INTS6: variants seen among roughly 807,000 people sequenced by gnomAD.
INTS6 encodes the protein DEAD box protein.
Under a neutral mutation model 104.9 loss-of-function variants are expected in INTS6, and 16 were observed. The observed-to-expected ratio is 0.15, with a 90% CI of 0.10 to 0.23. INTS6 has a LOEUF of 0.23. Ranked by LOEUF, INTS6 falls within the 10% of genes least tolerant of loss-of-function variation. The pLI, the probability that INTS6 is intolerant of heterozygous loss-of-function variation, is 1.00. For synonymous variants in INTS6, 324 were observed against 358.7 expected (o/e 0.90, Z 1.09); for missense variants, 584 against 1,062.8 (o/e 0.55, Z 6.26).
chr13:51,362,128 T>G lies in INTS6; in HGVS notation c.*3624A>C, dbSNP rs1009122066. 4.5e-6 allele frequency: 6 copies of G among 1,333,646 alleles called. No homozygotes were observed. In the African/African-American group the frequency reaches 6.2e-5, roughly 14 times the overall value. The allele number at this position is 1,333,646 out of a possible 1,614,324, so 82.6% of individuals were successfully genotyped here. ...TCTCATTCTCTCAGCTCATATATAG[T>G]TAATGTAGATTTTTTTTTTTAATGC... On this transcript the variant is annotated 3_prime_UTR_variant, in exon 18 of 18. Coordinates refer to ENST00000311234, the MANE Select transcript of INTS6 (RefSeq NM_012141.3).
intron 16 of INTS6, among the ~76,000 whole-genome samples, 175 bp from the exon 17 acceptor site, chr13:51,368,073 A>G (rs935642445): frequency 6.6e-6 from 1 of 152,156 alleles, no homozygotes; most frequent in Admixed American, 6.6e-5. Flanking sequence ...AAGTAAGTAC[A>G]CAGCAACAAA....
chr13:51,426,757 A>G (rs1332994645), intron 4 of INTS6, among the ~76,000 whole-genome samples: 1 of 152,088 alleles, frequency 6.6e-6, no homozygotes, highest in East Asian at 1.9e-4. Flanking sequence ...CCTAAAAGAC[A>G]CTTACATAGA....
At chr13:51,436,804 A>G (rs1339562679) in intron 3 of INTS6, 2 of 152,256 alleles carry the variant, frequency 1.3e-5, no homozygotes, top group African/African-American at 2.4e-5. Flanking sequence ...ACTGGAATCT[A>G]AAGTTTGAAT....
chr13:51,348,230 G>T, the INTS6 span: 12 of 1,593,936 alleles, frequency 7.5e-6, no homozygotes, highest in Non-Finnish European at 1.0e-5. Context: ...CCAGGACACT[G>T]CAGGCCATCA....
intron 6 of INTS6, 38 bp from the exon 7 acceptor site, chr13:51,387,578 A>T (rs762977873): frequency 6.8e-7 from 1 of 1,460,746 alleles, no homozygotes; most frequent in Non-Finnish European, 9.2e-7. Flanking sequence ...AGCATATATC[A>T]TAAGGGGGGA....
At chr13:51,366,575 C>T (rs1457861195) in intron 17 of INTS6, among the ~76,000 whole-genome samples, 2 of 151,950 alleles carry the variant, frequency 1.3e-5, no homozygotes, top group Admixed American at 6.6e-5. Flanking sequence ...TACTACACAA[C>T]TCTCTAAAAG....
rs758345676 is a variant in INTS6 at position 51,361,945 on chromosome 13, G to C, written c.*3807C>G. 3.7e-6 allele frequency: 6 copies of C among 1,611,816 alleles called. No homozygotes were observed. Among genetic ancestry groups the C allele is most frequent in the South Asian group, 2.2e-5 (2 of 90,958 alleles). On this transcript the variant is annotated 3_prime_UTR_variant, in exon 18 of 18. Transcript: ENST00000311234. The stretch of plus-strand genomic sequence containing the variant: ...CAGATAATTTATCAGTGTCTCTCTA[G>C]CAACAAGGGCTCATTTGTCCACTAT...
chr13:51,428,689 C>T (rs1022483262), intron 4 of INTS6, among the ~76,000 whole-genome samples: 3 of 152,040 alleles, frequency 2.0e-5, no homozygotes, highest in African/African-American at 7.2e-5. Context: ...AGTAGCAGGA[C>T]CACAATTGGC....
downstream of INTS6, among the ~76,000 whole-genome samples, chr13:51,361,023 C>T (rs1427529242): frequency 2.6e-5 from 4 of 151,882 alleles, no homozygotes; most frequent in Middle Eastern, 3.4e-3. Flanking sequence ...ATTTTGGGAG[C>T]GATTACATAT....
rs924257484 is a variant in INTS6 at position 51,394,018 on chromosome 13, C to G, written c.613+1282G>C. Among the ~76,000 whole-genome samples the G allele has an allele frequency of 1.9e-4, 28 of 150,838 alleles. 1 individual carries two copies. The highest frequency in any genetic ancestry group is 6.8e-4 in the African/African-American group (28 of 41,036). On this transcript the variant is annotated intron_variant, in intron 5 of 17. Transcript: ENST00000311234. ...CCTTTCAGAACCTGTTAAGTAAAAT[C>G]CCCAGAGTTTAAAAAAAAAAAAAAA...
chr13:51,434,976 A>G (rs1268353407), intron 3 of INTS6, among the ~76,000 whole-genome samples: 1 of 152,042 alleles, frequency 6.6e-6, no homozygotes, highest in Non-Finnish European at 1.5e-5. Flanking sequence ...TAATTCCCAA[A>G]TCCTTATATT....
At chr13:51,368,695 C>CA (rs1166430979) in intron 16 of INTS6, among the ~76,000 whole-genome samples, 4 of 152,102 alleles carry the variant, frequency 2.6e-5, no homozygotes, top group Admixed American at 2.6e-4. Flanking sequence ...GGGTTCCTGT[C>CA]AATTTATCTG....
At chr13:51,448,879 G>T (rs74084863) in intron 3 of INTS6, 72 of 152,258 alleles carry the variant, frequency 4.7e-4, no homozygotes, top group African/African-American at 1.7e-3. Flanking sequence ...TAAAGACATT[G>T]AAGTTACAAA....
intron 3 of INTS6, chr13:51,443,871 A>G (rs1952843154): frequency 1.3e-5 from 2 of 152,214 alleles, no homozygotes; most frequent in African/African-American, 4.8e-5. Context: ...TGACATGAAC[A>G]TGACTAAATA....
downstream of INTS6, among the ~76,000 whole-genome samples, chr13:51,360,736 A>G (rs765651684): frequency 2.6e-5 from 4 of 152,088 alleles, no homozygotes; most frequent in Non-Finnish European, 5.9e-5. Flanking sequence ...AGACACATTC[A>G]TATTACTCTG....
At chr13:51,435,617 A>T (rs865902715) in intron 3 of INTS6, among the ~76,000 whole-genome samples, 6 of 152,080 alleles carry the variant, frequency 3.9e-5, no homozygotes, top group South Asian at 2.1e-4. Flanking sequence ...TTGAAAAAAA[A>T]TTTTGAAAAT....
chr13:51,421,326 C>T, intron 4 of INTS6: 3 of 984,586 alleles, frequency 3.0e-6, no homozygotes, highest in Non-Finnish European at 3.6e-6. Flanking sequence ...CACTGGGCTG[C>T]TCCTTTAGCT....
chr13:51,452,620 C>A lies in INTS6; in HGVS notation c.-95G>T. The stretch of plus-strand genomic sequence containing the variant: ...TGGCGGCGACCGCCGCTACGCGGGG[C>A]GGGGGAGCACGGCCCCCGGGAGGAA... On this transcript the variant is annotated 5_prime_UTR_variant, in exon 1 of 18. Transcript: ENST00000311234. The surrounding 1 kb of genome is among the most constrained non-coding windows in gnomAD (Gnocchi z 4.2). The A allele has an allele frequency of 6.5e-7, 1 of 1,531,504 alleles. No homozygotes were observed. Among genetic ancestry groups the A allele is most frequent in the Non-Finnish European group, 8.8e-7 (1 of 1,137,106 alleles). 94.9% of individuals were successfully genotyped at this position (1,531,504 alleles called of 1,614,324 possible). A position where few individuals can be genotyped will look rare whatever the true frequency, so the allele number is the denominator to read the frequency against.
chr13:51,344,259 G>A, the INTS6 span: 2 of 1,613,474 alleles, frequency 1.2e-6, no homozygotes, highest in Non-Finnish European at 1.7e-6. Flanking sequence ...CAGACAAAAG[G>A]GTGAAAGATT....
Sources: gnomAD v4.1 joint callset for allele counts (sites outside exome capture counted in the v4.1 genomes callset) on GRCh38, gnomAD v4.1.1 for gene constraint, Gnocchi (gnomAD v3.1) non-coding constraint, MANE v1.5 for transcripts, NCBI Gene and HGNC (gene_info 2026-07-23, HGNC 2026-07-21) for gene names.